The following RNF212 variants were observed in gnomAD, a reference collection of about 807,000 sequenced individuals.
The protein encoded by RNF212 is probable E3 SUMO-protein ligase RNF212.
Under a neutral mutation model 34.7 loss-of-function variants are expected in RNF212, and 33 were observed. The ratio of observed to expected loss-of-function variants is 0.95; its 90% CI spans 0.72 to 1.27. The LOEUF (loss-of-function observed/expected upper bound fraction) is 1.27. RNF212 is among the 50% of genes most tolerant of loss of function. RNF212 has a pLI of 0.00. For synonymous variants in RNF212, 140 were observed against 136.1 expected (o/e 1.03, Z -0.20); for missense variants, 377 against 362.2 (o/e 1.04, Z -0.33).
chr4:1,073,059 G>A lies in RNF212; in HGVS notation c.709C>T (p.Leu237=), dbSNP rs773576734. 2.5e-6 allele frequency: 4 copies of A among 1,614,028 alleles called. No individual in the cohort carries two copies. Among genetic ancestry groups the A allele is most frequent in the Non-Finnish European group, 3.4e-6 (4 of 1,180,010 alleles). ...CCGTGCCTTCCAGAACTGAACGCTA[G>A]GAGGAGCAGCCAGTGAGGACAGACG... is the stretch of plus-strand genomic sequence containing the variant. ...IDVCPHWLLL[L]AFSSGRHGEL... Residue 237 remains leucine, a synonymous_variant, in exon 10 of 10, where the codon CTA becomes TTA. Coordinates refer to ENST00000433731, the MANE Select transcript of RNF212 (RefSeq NM_001131034.4).
At chr4:1,092,935 C>G (rs1252288729) in intron 3 of RNF212, among the ~76,000 whole-genome samples, 1 of 152,268 alleles carries the variant, frequency 6.6e-6, no homozygotes, top group Non-Finnish European at 1.5e-5. Context: ...AGTTCTCCTC[C>G]ATGGAGTGGC....
intron 3 of RNF212, chr4:1,093,478 G>A (rs1722515375): frequency 2.7e-6 from 4 of 1,454,598 alleles, no homozygotes; most frequent in African/African-American, 1.4e-5. Context: ...CGTTTGTGAT[G>A]CTCACCTCCA....
intron 2 of RNF212, among the ~76,000 whole-genome samples, chr4:1,102,712 C>T (rs1324428419): frequency 2.1e-5 from 3 of 144,194 alleles, no homozygotes; most frequent in East Asian, 2.1e-4. Context: ...ATTAGCCGGG[C>T]GTGGTGGTGG....
intron 3 of RNF212, chr4:1,094,054 C>G (rs758870739): frequency 1.5e-6 from 2 of 1,337,490 alleles, no homozygotes; most frequent in South Asian, 2.8e-5. Context: ...AAGGAAGCTC[C>G]CAGAGGAGGA....
At chr4:1,085,333 A>ATT (rs1720997835) in intron 5 of RNF212, among the ~76,000 whole-genome samples, 1 of 152,244 alleles carries the variant, frequency 6.6e-6, no homozygotes, top group South Asian at 2.1e-4. Context: ...AAAATGTACA[A>ATT]GAAAGGAGGG....
chr4:1,097,428 C>T (rs1369197541), intron 2 of RNF212, among the ~76,000 whole-genome samples: 1 of 151,506 alleles, frequency 6.6e-6, no homozygotes, highest in Non-Finnish European at 1.5e-5. Flanking sequence ...CACAGTGAAA[C>T]CCCGTCTCTA....
intron 8 of RNF212, 155 bp from the exon 9 acceptor site, chr4:1,073,817 T>C (rs1718823666): frequency 4.6e-6 from 3 of 648,504 alleles, no homozygotes; most frequent in Non-Finnish European, 8.5e-6. Flanking sequence ...GATTCTGTGT[T>C]CACCTCCCGA....
chr4:1,112,654 C>A (rs1725875252), intron 1 of RNF212, among the ~76,000 whole-genome samples: 1 of 150,934 alleles, frequency 6.6e-6, no homozygotes, highest in East Asian at 2.0e-4. Context: ...GCCAGAGCCC[C>A]CGACTGACAG....
chr4:1,085,847 TG>T, intron 5 of RNF212, 48 bp downstream of exon 5: 1 of 1,259,692 alleles, frequency 7.9e-7, no homozygotes, highest in Non-Finnish European at 1.2e-6. Flanking sequence ...CCAATGCACA[TG>T]GCAGTGGGTG....
intron 4 of RNF212, among the ~76,000 whole-genome samples, chr4:1,088,371 G>T (rs1721669950): frequency 6.6e-6 from 1 of 152,216 alleles, no homozygotes; most frequent in South Asian, 2.1e-4. Flanking sequence ...GCATCTGGCA[G>T]AAGAAATTTC....
intron 3 of RNF212, among the ~76,000 whole-genome samples, chr4:1,064,745 A>G (rs934879762): frequency 3.3e-5 from 5 of 152,160 alleles, no homozygotes; most frequent in African/African-American, 7.2e-5. Flanking sequence ...ACCCATCTCT[A>G]TAACTGTTTT....
intron 2 of RNF212, among the ~76,000 whole-genome samples, chr4:1,102,803 G>C (rs1560158235): frequency 6.6e-6 from 1 of 151,962 alleles, no homozygotes; most frequent in Non-Finnish European, 1.5e-5. Context: ...AGTGAGCCAA[G>C]ACTGCGCCAC....
chr4:1,059,912 CAG>C (rs1186945392), intron 3 of RNF212, among the ~76,000 whole-genome samples: 1 of 152,034 alleles, frequency 6.6e-6, no homozygotes, highest in Non-Finnish European at 1.5e-5. Context: ...CCGACCAACA[CAG>C]AGAAACCCTG....
downstream of RNF212, among the ~76,000 whole-genome samples, chr4:1,067,307 A>T (rs1051370386): frequency 9.9e-5 from 15 of 152,204 alleles, no homozygotes; most frequent in African/African-American, 3.6e-4. Context: ...AAATCCTGTC[A>T]TATATAAAAC....
At chr4:1,057,508 T>C (rs960347045) in intron 4 of RNF212, among the ~76,000 whole-genome samples, 1 of 152,172 alleles carries the variant, frequency 6.6e-6, no homozygotes, top group African/African-American at 2.4e-5. Flanking sequence ...GAGTCCAGCC[T>C]GCCACCTGTT....
intron 2 of RNF212, 71 bp from the exon 3 acceptor site, chr4:1,096,910 T>C (rs1723155285): frequency 8.7e-7 from 1 of 1,149,310 alleles, no homozygotes; most frequent in Admixed American, 1.7e-5. Flanking sequence ...TTAAAAACTG[T>C]ACTTGAAGAC....
At chr4:1,097,222 T>C (rs914639330) in intron 2 of RNF212, among the ~76,000 whole-genome samples, 2 of 152,206 alleles carry the variant, frequency 1.3e-5, no homozygotes, top group Admixed American at 1.3e-4. Context: ...CTGACAAGCA[T>C]TAAGTCACCA....
At chr4:1,073,935 C>A (rs1383592470) in intron 8 of RNF212, among the ~76,000 whole-genome samples, 7 of 151,870 alleles carry the variant, frequency 4.6e-5, no homozygotes, top group Non-Finnish European at 8.8e-5. Context: ...AAGGGCTCTA[C>A]TAGGAATTTT....
chr4:1,112,652 C>A (rs1285597515), intron 1 of RNF212, among the ~76,000 whole-genome samples: 2 of 150,946 alleles, frequency 1.3e-5, no homozygotes, highest in East Asian at 2.0e-4. Context: ...AAGCCAGAGC[C>A]CCCGACTGAC....
Sources: allele counts gnomAD v4.1 joint callset (sites outside exome capture counted in the v4.1 genomes callset), GRCh38; gene constraint gnomAD v4.1.1; transcripts MANE v1.5; gene names NCBI Gene and HGNC (gene_info 2026-07-23, HGNC 2026-07-21).